UQCC2: variants seen among roughly 807,000 people sequenced by gnomAD.
UQCC2 encodes the protein breast cancer-associated protein SGA-81M.
UQCC2 carries 21 observed loss-of-function variants against 19.9 expected under a neutral mutation model. That is an observed-to-expected ratio of 1.05 (90% CI 0.75 to 1.52). The LOEUF (loss-of-function observed/expected upper bound fraction) is 1.52, where lower values mean the gene tolerates loss of function less well. Ranked by LOEUF, UQCC2 falls within the 40% of genes most tolerant of loss-of-function variation. UQCC2 has a pLI of 0.00. For missense variants in UQCC2, 135 were observed against 157.5 expected, an observed-to-expected ratio of 0.86 and a Z score of 0.76; for synonymous variants, 57 against 60.9, an observed-to-expected ratio of 0.94 and a Z score of 0.30.
intron 1 of UQCC2, among the ~76,000 whole-genome samples, chr6:33,706,618 G>A (rs1009777442): frequency 6.6e-6 from 1 of 152,328 alleles, no homozygotes; most frequent in Non-Finnish European, 1.5e-5. Context: ...ACAGTGCAGA[G>A]AGTGAGGAGT....
chr6:33,697,731 C>G lies in UQCC2; in HGVS notation c.303G>C (p.Lys101Asn). Residue 101 changes from lysine to asparagine, a missense_variant, in exon 4 of 4, where the codon AAG becomes AAC. Physicochemically the swap from Lys to Asn is moderately conservative, Grantham distance 94. Coordinates refer to ENST00000607484, the MANE Select transcript of UQCC2 (RefSeq NM_032340.4). ...ILSTDTLEEL[K>N]EIDKGMWKKL... ...TCTTCCACATGCCTTTATCTATTTC[C>G]TTAAGCTCTTCCAAGGTGTCTGCAA... 1 of 1,614,106 alleles carries G rather than the reference C, an allele frequency of 6.2e-7. No homozygotes were observed. Among genetic ancestry groups the G allele is most frequent in the Non-Finnish European group, 8.5e-7 (1 of 1,180,012 alleles).
intron 1 of UQCC2, among the ~76,000 whole-genome samples, chr6:33,703,028 G>A (rs114991818): frequency 0.022 from 3,391 of 152,316 alleles, 45 homozygotes; most frequent in South Asian, 0.046. Flanking sequence ...GGTGGCCAGC[G>A]TTTGCTGAAT....
chr6:33,704,720 C>T (rs918414136), intron 1 of UQCC2, among the ~76,000 whole-genome samples: 2 of 152,212 alleles, frequency 1.3e-5, no homozygotes. Context: ...CCTAACACTG[C>T]TTCCTGATAA....
chr6:33,700,306 G>A, intron 3 of UQCC2, 138 bp downstream of exon 3: 1 of 894,426 alleles, frequency 1.1e-6, no homozygotes, highest in Non-Finnish European at 1.8e-6. Flanking sequence ...CATGCGCCCT[G>A]TAGCTTCAGA....
intron 1 of UQCC2, 127 bp downstream of exon 1, chr6:33,711,422 T>C: frequency 7.5e-7 from 1 of 1,339,974 alleles, no homozygotes; most frequent in Non-Finnish European, 9.9e-7. Flanking sequence ...AAAAAGGGGG[T>C]CCGCGCTCAC....
rs1170012922 is a variant in UQCC2 at position 33,701,332 on chromosome 6, T to C, written c.213+14A>G. Reference sequence around the variant, plus strand: ...TCAGAAAGCTGGGTATATAAAAGACTGTGGCCCACTCACCTTGTGTTTGTA... The same window carrying C: ...TCAGAAAGCTGGGTATATAAAAGACCGTGGCCCACTCACCTTGTGTTTGTA... On this transcript the variant is annotated intron_variant, in intron 2 of 3. Transcript: ENST00000607484. The C allele has an allele frequency of 1.9e-6, 3 of 1,608,548 alleles. No homozygotes were observed. Among genetic ancestry groups the C allele is most frequent in the Non-Finnish European group, 2.5e-6 (3 of 1,177,848 alleles).
At chr6:33,697,859 G>C (rs1765585103) in intron 3 of UQCC2, 109 bp from the exon 4 acceptor site, 2 of 803,334 alleles carry the variant, frequency 2.5e-6, no homozygotes, top group Admixed American at 5.3e-5. Flanking sequence ...TTTTCACACA[G>C]TGTGTTCCTG....
rs555245213 is a variant in UQCC2, at chr6:33,697,440, A to T, written c.*213T>A. 1.1e-4 allele frequency: 56 copies of T among 500,492 alleles called. No homozygotes were observed. The highest frequency in any genetic ancestry group is 5.2e-4 in the Middle Eastern group (1 of 1,918). The allele number at this position is 500,492 out of a possible 1,614,324, so 31.0% of individuals were successfully genotyped here. On this transcript the variant is annotated 3_prime_UTR_variant, in exon 4 of 4. Coordinates refer to ENST00000607484, the MANE Select transcript of UQCC2 (RefSeq NM_032340.4). ...AACCTGCATTTCCTCTCCCCAGGAG[A>T]TTTCCCTACCCTGAGCAGCAGTCAC...
At position 33,697,082 on chromosome 6, in the gene UQCC2, T is replaced by C. The variant is rs986599417; in HGVS notation, c.*571A>G. On this transcript the variant is annotated 3_prime_UTR_variant, in exon 4 of 4. Coordinates refer to ENST00000607484, the MANE Select transcript of UQCC2 (RefSeq NM_032340.4). ...GGCCAAGGCCTGTCTATAGCTTCCCTGTCCCTTAAGCCAACTGGGCAATGT... is the reference window on the plus strand; with the variant it reads ...GGCCAAGGCCTGTCTATAGCTTCCCCGTCCCTTAAGCCAACTGGGCAATGT... 12 of 152,518 alleles carry C rather than the reference T, an allele frequency of 7.9e-5. No individual in the cohort carries two copies. The highest frequency in any genetic ancestry group is 2.9e-4 in the African/African-American group (12 of 41,468). 9.4% of individuals were successfully genotyped at this position (152,518 alleles called of 1,614,324 possible). A position where few individuals can be genotyped will look rare whatever the true frequency, so the allele number is the denominator to read the frequency against.
At chr6:33,700,788 G>GAT (rs1765631000) in intron 2 of UQCC2, among the ~76,000 whole-genome samples, 1 of 152,250 alleles carries the variant, frequency 6.6e-6, no homozygotes, top group African/African-American at 2.4e-5. Flanking sequence ...GTTCCCAGGT[G>GAT]ATGCCCATGC....
intron 1 of UQCC2, among the ~76,000 whole-genome samples, chr6:33,706,437 TAC>T (rs1353914472): frequency 1.3e-5 from 2 of 152,134 alleles, no homozygotes; most frequent in East Asian, 1.9e-4. Context: ...GCAGGCACAC[TAC>T]AGAGACAAGA....
chr6:33,705,386 G>C, intron 1 of UQCC2, among the ~76,000 whole-genome samples: 1 of 152,106 alleles, frequency 6.6e-6, no homozygotes, highest in Non-Finnish European at 1.5e-5. Flanking sequence ...AGAGTTCCCA[G>C]AATTCCTGGA....
intron 1 of UQCC2, 83 bp downstream of exon 1, chr6:33,711,466 G>C (rs1281762783): frequency 2.0e-6 from 3 of 1,496,228 alleles, no homozygotes; most frequent in Admixed American, 2.4e-5. Context: ...CGCATGCGCA[G>C]ATCCCCCTGC....
chr6:33,700,337 C>T (rs1426862074), intron 3 of UQCC2, 107 bp downstream of exon 3: 1 of 1,286,058 alleles, frequency 7.8e-7, no homozygotes, highest in Non-Finnish European at 1.1e-6. Context: ...GGCTGTTCTA[C>T]AAGACTTTCC....
rs1765775092 is a variant in UQCC2 at position 33,711,672 on chromosome 6, C to G, written c.15G>C (p.Arg5=). The change falls in exon 1 of 4, where the codon CGG becomes CGC. Residue 5 remains arginine, a synonymous_variant. Coordinates refer to ENST00000607484, the MANE Select transcript of UQCC2 (RefSeq NM_032340.4). ...CACAGAGCTTAAGAAAACGCCGGTA[C>G]CGGCTGGCCGCCATCTTGGGCCCCG... MAAS[R]YRRFLKLCEE... is the part of the protein sequence containing the mutation. 6.2e-7 allele frequency: 1 copy of G among 1,609,928 alleles called. No homozygotes were observed. Among genetic ancestry groups the G allele is most frequent in the Non-Finnish European group, 8.5e-7 (1 of 1,178,734 alleles).
intron 2 of UQCC2, 92 bp from the exon 3 acceptor site, chr6:33,700,605 A>T: frequency 7.2e-7 from 1 of 1,381,434 alleles, no homozygotes; most frequent in Non-Finnish European, 1.0e-6. Flanking sequence ...GCCCTGGGCA[A>T]CCAGAGGCCA....
chr6:33,697,687 G>A lies in UQCC2; in HGVS notation c.347C>T (p.Ala116Val), dbSNP rs371854719. 1.1e-5 allele frequency: 18 copies of A among 1,613,916 alleles called. No individual in the cohort carries two copies. The highest frequency in any genetic ancestry group is 1.4e-5 in the Non-Finnish European group (17 of 1,180,022). The change falls in exon 4 of 4, where the codon GCC becomes GTC. Residue 116 changes from alanine to valine, a missense_variant. Physicochemically the swap from Ala to Val is moderately conservative, Grantham distance 64 (BLOSUM62 0). Transcript: ENST00000607484. ...ATGATCCTCCTCAGGACCCTTGGGG[G>A]CAAACTTCTCCTGCAGTTTCTTCCA... ...GMWKKLQEKFAPKGPEEDHKA is the reference protein window; with the variant it reads ...GMWKKLQEKFVPKGPEEDHKA
rs1394156815 is a variant in UQCC2, at chr6:33,697,650, A to AG, written c.*2dup. On this transcript the variant is annotated 3_prime_UTR_variant, in exon 4 of 4. Coordinates refer to ENST00000607484, the MANE Select transcript of UQCC2 (RefSeq NM_032340.4). ...AGGTATGTGCACGAGGTAAGGCCTGAGCTCAGGCCTTATGATCCTCCTCAG... is the reference window on the plus strand; with the variant it reads ...AGGTATGTGCACGAGGTAAGGCCTGAGGCTCAGGCCTTATGATCCTCCTCAG... 6.2e-7 allele frequency: 1 copy of AG among 1,610,012 alleles called. No homozygotes were observed. The highest frequency in any genetic ancestry group is 8.5e-7 in the Non-Finnish European group (1 of 1,178,460).
chr6:33,711,441 T>A (rs780799786), intron 1 of UQCC2, 108 bp downstream of exon 1: 1 of 1,448,014 alleles, frequency 6.9e-7, no homozygotes, highest in Non-Finnish European at 9.1e-7. Context: ...ACGTGCTGCC[T>A]GGAAAGAGGG....
Sources: allele counts gnomAD v4.1 joint callset (sites outside exome capture counted in the v4.1 genomes callset), GRCh38; gene constraint gnomAD v4.1.1; transcripts MANE v1.5; gene names NCBI Gene and HGNC (gene_info 2026-07-23, HGNC 2026-07-21).